The following NAALADL2 variants were observed in gnomAD, a reference collection of about 807,000 sequenced individuals.
The protein encoded by NAALADL2 is N-acetylated alpha-linked acidic dipeptidase like 2, also known as inactive N-acetylated-alpha-linked acidic dipeptidase-like protein 2.
A neutral mutation model predicts 87.2 loss-of-function variants in NAALADL2; 76 were observed. That is an observed-to-expected ratio of 0.87 (90% CI 0.72 to 1.05). The LOEUF is 1.05. NAALADL2 is among the 50% of genes least tolerant of loss of function. The pLI, the probability that NAALADL2 is intolerant of heterozygous loss-of-function variation, is 0.00. For synonymous variants in NAALADL2, 354 were observed against 331.0 expected, an observed-to-expected ratio of 1.07 and a Z score of -0.75; for missense variants, 1,089 against 945.8, an observed-to-expected ratio of 1.15 and a Z score of -1.99.
intron 3 of NAALADL2, among the ~76,000 whole-genome samples, chr3:174,828,226 G>A (rs1722220143): frequency 1.3e-5 from 2 of 151,338 alleles, no homozygotes; most frequent in South Asian, 2.1e-4. Flanking sequence ...CCCAAAAGAT[G>A]GATTAGTCTT....
At chr3:175,415,775 AT>A (rs1714511811) in intron 5 of NAALADL2, among the ~76,000 whole-genome samples, 1 of 152,060 alleles carries the variant, frequency 6.6e-6, no homozygotes, top group Non-Finnish European at 1.5e-5. Flanking sequence ...CAGGCTAGAT[AT>A]TAGGCAATAT....
intron 13 of NAALADL2, among the ~76,000 whole-genome samples, chr3:175,790,614 TCA>T (rs1752669921): frequency 6.6e-6 from 1 of 152,196 alleles, no homozygotes; most frequent in Non-Finnish European, 1.5e-5. Flanking sequence ...ATTCCTAGTT[TCA>T]GTTTCCTCAC....
intron 2 of NAALADL2, among the ~76,000 whole-genome samples, chr3:174,557,094 A>C (rs993068206): frequency 6.6e-6 from 1 of 152,212 alleles, no homozygotes; most frequent in African/African-American, 2.4e-5. Context: ...TGTAATTGCT[A>C]TACAAAAACA....
chr3:174,526,929 G>A (rs564415207), intron 1 of NAALADL2, among the ~76,000 whole-genome samples: 120 of 151,978 alleles, frequency 7.9e-4, no homozygotes, highest in African/African-American at 2.6e-3. Flanking sequence ...CATCTGTCTC[G>A]CCTCCTGAAG....
At chr3:175,478,566 C>A (rs1280518959) in intron 9 of NAALADL2, among the ~76,000 whole-genome samples, 1 of 151,890 alleles carries the variant, frequency 6.6e-6, no homozygotes, top group African/African-American at 2.4e-5. Flanking sequence ...TATATTAGGA[C>A]TATGTAACCA....
chr3:175,612,778 T>C (rs1440436861), intron 10 of NAALADL2, among the ~76,000 whole-genome samples: 5 of 152,218 alleles, frequency 3.3e-5, no homozygotes, highest in East Asian at 1.9e-4. Flanking sequence ...TTTCTTATGA[T>C]TGAGACAATT....
chr3:175,371,552 C>T (rs1169899143), intron 5 of NAALADL2, among the ~76,000 whole-genome samples: 2 of 152,090 alleles, frequency 1.3e-5, no homozygotes, highest in African/African-American at 2.4e-5. Flanking sequence ...GAGCTGGGCA[C>T]GACGGCTCAT....
At chr3:175,279,789 T>A (rs772673503) in intron 4 of NAALADL2, among the ~76,000 whole-genome samples, 2 of 95,938 alleles carry the variant, frequency 2.1e-5, no homozygotes, top group East Asian at 2.1e-4. Flanking sequence ...AGTGTGTGAG[T>A]GTGTGTGTGT....
intron 1 of NAALADL2, among the ~76,000 whole-genome samples, chr3:174,982,360 A>G (rs964784844): frequency 6.6e-6 from 1 of 152,192 alleles, no homozygotes; most frequent in African/African-American, 2.4e-5. Context: ...ATAACTTAAA[A>G]AAAAAAGCTA....
At chr3:174,725,207 A>G (rs770001700) in intron 2 of NAALADL2, among the ~76,000 whole-genome samples, 34 of 152,302 alleles carry the variant, frequency 2.2e-4, no homozygotes, top group African/African-American at 7.5e-4. Context: ...TCACTTAACC[A>G]TGAGTAAAAA....
chr3:174,494,724 T>C (rs1378578202), intron 1 of NAALADL2, among the ~76,000 whole-genome samples: 1 of 152,118 alleles, frequency 6.6e-6, no homozygotes, highest in Non-Finnish European at 1.5e-5. Context: ...TGAGTTGGTA[T>C]TTATGAGATA....
chr3:175,327,534 AC>A (rs1158289434), intron 5 of NAALADL2, among the ~76,000 whole-genome samples: 16 of 152,150 alleles, frequency 1.1e-4, no homozygotes, highest in Non-Finnish European at 1.5e-5. Context: ...GGTAAAATTT[AC>A]ATAAATTAAA....
intron 11 of NAALADL2, among the ~76,000 whole-genome samples, chr3:175,668,719 T>G (rs942798595): frequency 6.6e-6 from 1 of 152,162 alleles, no homozygotes; most frequent in African/African-American, 2.4e-5. Context: ...AATATCAGTA[T>G]TTGTACATAA....
At chr3:175,160,319 T>C (rs1042291152) in intron 2 of NAALADL2, among the ~76,000 whole-genome samples, 3 of 148,362 alleles carry the variant, frequency 2.0e-5, no homozygotes, top group Middle Eastern at 3.4e-3. Flanking sequence ...GGCTTATAAG[T>C]AAAATTTTAA....
chr3:175,365,640 C>G (rs956897502), intron 5 of NAALADL2, among the ~76,000 whole-genome samples: 5 of 146,664 alleles, frequency 3.4e-5, no homozygotes, highest in Non-Finnish European at 7.6e-5. Context: ...ATCAAAATAC[C>G]AGGTCTGAAA....
At chr3:175,026,443 G>A (rs554034492) in intron 1 of NAALADL2, among the ~76,000 whole-genome samples, 6 of 144,852 alleles carry the variant, frequency 4.1e-5, no homozygotes, top group African/African-American at 1.3e-4. Context: ...TCAGGAGTTC[G>A]AGACCAGCCT....
intron 1 of NAALADL2, among the ~76,000 whole-genome samples, chr3:174,888,091 A>G (rs1050788402): frequency 4.6e-5 from 7 of 152,208 alleles, no homozygotes; most frequent in African/African-American, 1.7e-4. Context: ...TGATGAAATA[A>G]GCCAGCAATG....
At chr3:175,152,287 C>T (rs1731662682) in intron 2 of NAALADL2, among the ~76,000 whole-genome samples, 1 of 151,968 alleles carries the variant, frequency 6.6e-6, no homozygotes, top group Non-Finnish European at 1.5e-5. Context: ...AGTTATTTGC[C>T]CTTGTCCCTA....
At chr3:174,831,259 CTTA>C (rs1369761099) in intron 3 of NAALADL2, among the ~76,000 whole-genome samples, 2 of 150,070 alleles carry the variant, frequency 1.3e-5, no homozygotes, top group African/African-American at 5.0e-5. Flanking sequence ...ATAGATAGCT[CTTA>C]TTATTTTGAA....
Sources: gnomAD v4.1 joint callset for allele counts (sites outside exome capture counted in the v4.1 genomes callset) on GRCh38, gnomAD v4.1.1 for gene constraint, MANE v1.5 for transcripts, NCBI Gene and HGNC (gene_info 2026-07-23, HGNC 2026-07-21) for gene names.